The following PACS2 variants were observed in gnomAD, a reference collection of about 807,000 sequenced individuals.
The protein encoded by PACS2 is PACS1-like protein.
In PACS2, 36 loss-of-function variants were observed where a neutral mutation model predicts 113.0. That is an observed-to-expected ratio of 0.32 (90% CI 0.24 to 0.42). The LOEUF (loss-of-function observed/expected upper bound fraction) is 0.42. Among genes scored for constraint, PACS2 ranks in the 10% least tolerant of loss-of-function variants. PACS2 has a pLI of 1.00. For missense variants in PACS2, 1,015 were observed against 1,239.5 expected, an observed-to-expected ratio of 0.82 and a Z score of 2.72; for synonymous variants, 589 against 536.1, an observed-to-expected ratio of 1.10 and a Z score of -1.36.
chr14:105,364,695 C>CT lies in PACS2; in HGVS notation c.424-2499dup, dbSNP rs1166883985. 8.0e-3 allele frequency among the ~76,000 whole-genome samples: 1,013 copies of CT among 126,032 alleles called. 15 individuals are homozygous for CT. The highest frequency in any genetic ancestry group is 0.017 in the African/African-American group (548 of 32,392). The allele number at this position is 126,032 out of a possible 152,430, so 82.7% of individuals were successfully genotyped here. A position where few individuals can be genotyped will look rare whatever the true frequency, so the allele number is the denominator to read the frequency against. ...GTGACATCCTGAGCAATTTTCTTTTCTTTTTTTTTTTTTTTTTTTGAGACG... is the reference window on the plus strand; with the variant it reads ...GTGACATCCTGAGCAATTTTCTTTTCTTTTTTTTTTTTTTTTTTTTGAGACG... On this transcript the variant is annotated intron_variant, in intron 4 of 24. Transcript: ENST00000447393.
At position 105,315,069 on chromosome 14, in the gene PACS2, C is replaced by A. The variant is rs868423714; in HGVS notation, c.119+32C>A. The A allele has an allele frequency of 1.8e-6, 2 of 1,127,570 alleles. No individual in the cohort carries two copies. Among genetic ancestry groups the A allele is most frequent in the African/African-American group, 3.3e-5 (2 of 59,968 alleles). The allele number at this position is 1,127,570 out of a possible 1,614,324, so 69.8% of individuals were successfully genotyped here. A position where few individuals can be genotyped will look rare whatever the true frequency, so the allele number is the denominator to read the frequency against. ...GCCGCCCGCCGCGCTTTGTTCCCGC[C>A]GGGCACCTGCTGGGGGTGTCCTGGC... On this transcript the variant is annotated intron_variant, in intron 1 of 24. Coordinates refer to ENST00000447393, the MANE Select transcript of PACS2 (RefSeq NM_001100913.3). This position sits in a 1 kb window ranked among gnomAD's most constrained non-coding sequence, Gnocchi z 4.4.
At chr14:105,342,647 T>G (rs1458718505) in intron 1 of PACS2, among the ~76,000 whole-genome samples, 1 of 151,782 alleles carries the variant, frequency 6.6e-6, no homozygotes, top group Non-Finnish European at 1.5e-5. Flanking sequence ...AAGTATCGTC[T>G]GGTAGGCCAG....
Position 105,352,487 on chromosome 14 carries a change from TGAC to T in PACS2, c.297+24_297+26del. 2.7e-6 allele frequency: 4 copies of T among 1,489,456 alleles called. No homozygotes were observed. Among genetic ancestry groups the T allele is most frequent in the Non-Finnish European group, 3.7e-6 (4 of 1,067,660 alleles). The allele number at this position is 1,489,456 out of a possible 1,614,324, so 92.3% of individuals were successfully genotyped here. A position where few individuals can be genotyped will look rare whatever the true frequency, so the allele number is the denominator to read the frequency against. Reference sequence around the variant, plus strand: ...TTGCAGGTGAGTCTTTCACCAGTGGTGACGACACCCTCATCACTGTCCCCTGGG... The same window carrying T: ...TTGCAGGTGAGTCTTTCACCAGTGGTGACACCCTCATCACTGTCCCCTGGG... On this transcript the variant is annotated intron_variant, in intron 3 of 24. Coordinates refer to ENST00000447393, the MANE Select transcript of PACS2 (RefSeq NM_001100913.3).
Position 105,358,081 on chromosome 14 carries a change from G to C in PACS2, c.423+2904G>C, listed in dbSNP as rs910857568. ...GGTGCACACGCAGGGGGCAGGAGGG[G>C]CTGGGAGCAGCCTGGGCCCCTGCCA... On this transcript the variant is annotated intron_variant, in intron 4 of 24. Transcript: ENST00000447393. The surrounding 1 kb of genome is among the most constrained non-coding windows in gnomAD (Gnocchi z 4.9). Among the ~76,000 whole-genome samples, 18 of 152,226 alleles carry C rather than the reference G, an allele frequency of 1.2e-4. No homozygotes were observed. Among genetic ancestry groups the C allele is most frequent in the Non-Finnish European group, 2.1e-4 (14 of 68,032 alleles).
chr14:105,334,285 A>G (rs1022556104), intron 1 of PACS2, among the ~76,000 whole-genome samples: 9 of 152,370 alleles, frequency 5.9e-5, no homozygotes, highest in Non-Finnish European at 1.2e-4. Context: ...GGGTCAGGCC[A>G]CAGACCCCAC....
At chr14:105,320,450 T>A (rs2058843706) in intron 1 of PACS2, among the ~76,000 whole-genome samples, 1 of 152,196 alleles carries the variant, frequency 6.6e-6, no homozygotes, top group Admixed American at 6.5e-5. Flanking sequence ...GCTCAAGCAA[T>A]CCTCCTGCCT....
chr14:105,365,320 G>C lies in PACS2; in HGVS notation c.424-1893G>C, dbSNP rs1332468387. 1.3e-5 allele frequency among the ~76,000 whole-genome samples: 2 copies of C among 152,218 alleles called. No individual in the cohort carries two copies. Among genetic ancestry groups the C allele is most frequent in the African/African-American group, 4.8e-5 (2 of 41,464 alleles). ...ACGCCCCAAGGAGCACTGTCAGGAG[G>C]AGAGGAACATGCAGCCTGGAGTGTC... On this transcript the variant is annotated intron_variant, in intron 4 of 24. Coordinates refer to ENST00000447393, the MANE Select transcript of PACS2 (RefSeq NM_001100913.3). The surrounding 1 kb of genome is among the most constrained non-coding windows in gnomAD (Gnocchi z 5.1).
In PACS2 at chr14:105,329,253, A is replaced by G. The variant is rs1595585773; in HGVS notation, c.119+14216A>G. Among the ~76,000 whole-genome samples, 1 of 152,296 alleles carries G rather than the reference A, an allele frequency of 6.6e-6. No homozygotes were observed. The highest frequency in any genetic ancestry group is 1.9e-4 in the East Asian group (1 of 5,180). On this transcript the variant is annotated intron_variant, in intron 1 of 24. Coordinates refer to ENST00000447393, the MANE Select transcript of PACS2 (RefSeq NM_001100913.3). This position sits in a 1 kb window ranked among gnomAD's most constrained non-coding sequence, Gnocchi z 6.4. ...CTTTCCGGGGGTGCCTGTGGTTTGC[A>G]GGGGCCTGGCTGCAGCTGCCCTGTG...
Position 105,337,191 on chromosome 14 carries a change from T to C in PACS2, c.120-11302T>C, listed in dbSNP as rs76513367. On this transcript the variant is annotated intron_variant, in intron 1 of 24. Transcript: ENST00000447393. ...AAGCCAGTCACAGGAGGACATGCAC[T>C]GTATGATCCCATTTGTGTCAGGTCC... 7.7e-4 allele frequency among the ~76,000 whole-genome samples: 117 copies of C among 152,340 alleles called. 1 individual carries two copies. In the East Asian group the frequency reaches 0.015, roughly 19 times the overall value.
intron 2 of PACS2, among the ~76,000 whole-genome samples, chr14:105,352,139 T>G (rs2060202684): frequency 6.6e-6 from 1 of 152,180 alleles, no homozygotes; most frequent in African/African-American, 2.4e-5. Context: ...GGTTTCTCTC[T>G]CATGTCTTAG....
intron 8 of PACS2, 124 bp downstream of exon 8, chr14:105,370,024 G>A (rs1555409007): frequency 8.4e-6 from 7 of 828,574 alleles, no homozygotes; most frequent in South Asian, 1.6e-5. Context: ...GCACGGCCCC[G>A]CCAGCATCGC....
intron 8 of PACS2, among the ~76,000 whole-genome samples, chr14:105,375,481 C>CA (rs34549878): frequency 0.11 from 5,588 of 50,604 alleles, 590 homozygotes; most frequent in African/African-American, 0.26. Context: ...GACTCCATCT[C>CA]AAAAAAAAAA....
At chr14:105,383,011 A>G (rs782286979) in intron 15 of PACS2, 98 bp downstream of exon 15, 195 of 733,012 alleles carry the variant, frequency 2.7e-4, no homozygotes, top group Non-Finnish European at 4.2e-4. Flanking sequence ...TGCGTCCTGG[A>G]CCTGGGGCTG....
At chr14:105,377,264 C>T (rs1393407703) in intron 9 of PACS2, among the ~76,000 whole-genome samples, 2 of 152,130 alleles carry the variant, frequency 1.3e-5, no homozygotes, top group Non-Finnish European at 2.9e-5. Flanking sequence ...CTGGGAACTG[C>T]AGGGGACCTC....
At chr14:105,368,651 C>A in intron 7 of PACS2, 112 bp downstream of exon 7, 1 of 808,802 alleles carries the variant, frequency 1.2e-6, no homozygotes, top group Non-Finnish European at 2.1e-6. Flanking sequence ...CACCCCAGGT[C>A]ACAGCAGCAT....
chr14:105,379,936 C>T, intron 10 of PACS2, 107 bp downstream of exon 10: 2 of 1,344,238 alleles, frequency 1.5e-6, no homozygotes, highest in Non-Finnish European at 2.1e-6. Context: ...GTCCAGCTGT[C>T]CTGGAGCCAC....
In PACS2 at chr14:105,376,700, C is replaced by A; in HGVS notation, c.802-68C>A. 6.6e-7 allele frequency: 1 copy of A among 1,522,446 alleles called. No individual in the cohort carries two copies. The highest frequency in any genetic ancestry group is 1.2e-5 in the South Asian group (1 of 85,598). The allele number at this position is 1,522,446 out of a possible 1,614,324, so 94.3% of individuals were successfully genotyped here. A position where few individuals can be genotyped will look rare whatever the true frequency, so the allele number is the denominator to read the frequency against. On this transcript the variant is annotated intron_variant, in intron 8 of 24. Transcript: ENST00000447393. The surrounding 1 kb of genome is among the most constrained non-coding windows in gnomAD (Gnocchi z 4.7). ...CTATTGCTCCTGCAGACTCTGGGGT[C>A]TCGGGCGCCCCCAGTGGGGCAATGT...
At chr14:105,326,397 A>G (rs1331433271) in intron 1 of PACS2, among the ~76,000 whole-genome samples, 1 of 152,238 alleles carries the variant, frequency 6.6e-6, no homozygotes, top group Non-Finnish European at 1.5e-5. Context: ...GGAGCGCCTC[A>G]GGAGGGTGAG....
intron 1 of PACS2, among the ~76,000 whole-genome samples, chr14:105,318,750 C>T (rs587714100): frequency 1.3e-5 from 2 of 152,068 alleles, no homozygotes; most frequent in Non-Finnish European, 2.9e-5. Context: ...GCTCCGCCTC[C>T]TGGGTTCACA....
Sources: allele counts gnomAD v4.1 joint callset (sites outside exome capture counted in the v4.1 genomes callset), GRCh38; gene constraint gnomAD v4.1.1; non-coding constraint Gnocchi (gnomAD v3.1); transcripts MANE v1.5; gene names NCBI Gene and HGNC (gene_info 2026-07-23, HGNC 2026-07-21).